MRC1: variants seen among roughly 807,000 people sequenced by gnomAD.
MRC1 encodes the protein macrophage mannose receptor 1.
In MRC1, 62 loss-of-function variants were observed where a neutral mutation model predicts 102.9. That is an observed-to-expected ratio of 0.60 (90% CI 0.49 to 0.74). The LOEUF is 0.74. MRC1 is among the 30% of genes least tolerant of loss of function. The pLI is 0.00. For missense variants in MRC1, 1,237 were observed against 862.8 expected (o/e 1.43, Z -5.43); for synonymous variants, 457 against 298.4 (o/e 1.53, Z -5.48).
chr10:17,875,064 A>G, intron 16 of MRC1, 26 bp from the exon 17 acceptor site: 1 of 780,756 alleles, frequency 1.3e-6, no homozygotes, highest in Non-Finnish European at 2.4e-6. Context: ...CATAAAACTC[A>G]TTGCCTTTTC....
At chr10:17,866,450 A>G in intron 11 of MRC1, 112 bp from the exon 12 acceptor site, 1 of 776,110 alleles carries the variant, frequency 1.3e-6, no homozygotes, top group Non-Finnish European at 2.4e-6. Context: ...TGCATCTGAG[A>G]TCATAATTGG....
At chr10:17,876,811 T>C (rs1833443641) in intron 17 of MRC1, among the ~76,000 whole-genome samples, 1 of 152,172 alleles carries the variant, frequency 6.6e-6, no homozygotes, top group African/African-American at 2.4e-5. Flanking sequence ...GTGATACCAT[T>C]GATATACCTA....
At chr10:17,849,859 T>C in intron 7 of MRC1, 95 bp downstream of exon 7, 1 of 648,468 alleles carries the variant, frequency 1.5e-6, no homozygotes, top group Non-Finnish European at 2.8e-6. Flanking sequence ...ACATCAAATT[T>C]AATCAATGTA....
At chr10:17,840,865 A>T (rs1186820130) in intron 5 of MRC1, 59 bp downstream of exon 5, 1 of 780,152 alleles carries the variant, frequency 1.3e-6, no homozygotes, top group African/African-American at 1.7e-5. Flanking sequence ...AGACGCCCCG[A>T]AGACGTTTAT....
Position 17,809,428 on chromosome 10 carries a change from C to T in MRC1, c.-38C>T, listed in dbSNP as rs924219593. On this transcript the variant is annotated 5_prime_UTR_variant, in exon 1 of 30. Transcript: ENST00000569591. ...TTGTTTTGCGTCTTAGTTCCGCCCT[C>T]CTGTCCATCAGGAGAAGGAAAGGAT... The T allele has an allele frequency of 8.1e-5, 71 of 872,446 alleles. No homozygotes were observed. The highest frequency in any genetic ancestry group is 1.5e-4 in the Admixed American group (9 of 59,134). The allele number at this position is 872,446 out of a possible 1,614,324, so 54.0% of individuals were successfully genotyped here. A position where few individuals can be genotyped will look rare whatever the true frequency, so the allele number is the denominator to read the frequency against.
intron 11 of MRC1, among the ~76,000 whole-genome samples, chr10:17,865,162 T>C (rs1833246647): frequency 6.6e-6 from 1 of 152,192 alleles, no homozygotes; most frequent in Non-Finnish European, 1.5e-5. Flanking sequence ...AGCTAAAAAA[T>C]AATAGCTCGA....
intron 6 of MRC1, among the ~76,000 whole-genome samples, chr10:17,848,038 A>G (rs1443504726): frequency 6.6e-6 from 1 of 151,712 alleles, no homozygotes; most frequent in Non-Finnish European, 1.5e-5. Flanking sequence ...GAGCCTCATG[A>G]CTGAGTAGTT....
At chr10:17,885,921 A>G (rs1421300891) in intron 22 of MRC1, among the ~76,000 whole-genome samples, 1 of 152,038 alleles carries the variant, frequency 6.6e-6, no homozygotes, top group African/African-American at 2.4e-5. Context: ...CCTGGAAGAC[A>G]GATTGCTACT....
intron 9 of MRC1, among the ~76,000 whole-genome samples, chr10:17,858,420 C>G (rs1007780809): frequency 5.3e-5 from 8 of 152,116 alleles, no homozygotes; most frequent in African/African-American, 1.7e-4. Context: ...TAGTGGAATG[C>G]TGCAGTGTAG....
At chr10:17,894,060 A>C in intron 22 of MRC1, 150 bp from the exon 23 acceptor site, 1 of 670,824 alleles carries the variant, frequency 1.5e-6, no homozygotes, top group Non-Finnish European at 2.7e-6. Flanking sequence ...TTGGGTAGAA[A>C]GTAATGATGG....
At chr10:17,880,799 C>A (rs1162606793) in intron 20 of MRC1, 129 bp downstream of exon 20, 2 of 755,550 alleles carry the variant, frequency 2.6e-6, no homozygotes, top group South Asian at 1.4e-5. Context: ...GGTGAAAATT[C>A]GCGTGACAAA....
intron 9 of MRC1, 125 bp downstream of exon 9, chr10:17,856,477 C>T: frequency 1.5e-6 from 1 of 686,392 alleles, no homozygotes; most frequent in South Asian, 1.7e-5. Flanking sequence ...TCTCAGTCTT[C>T]AATAGTTTAT....
intron 16 of MRC1, among the ~76,000 whole-genome samples, chr10:17,874,581 T>C (rs1833401225): frequency 6.6e-6 from 1 of 152,220 alleles, no homozygotes; most frequent in Non-Finnish European, 1.5e-5. Flanking sequence ...TTCAGCCTAC[T>C]GTAGCACGGA....
intron 9 of MRC1, among the ~76,000 whole-genome samples, chr10:17,858,807 C>T (rs1460520491): frequency 2.0e-5 from 3 of 152,216 alleles, no homozygotes; most frequent in African/African-American, 7.2e-5. Context: ...AGGCATGAGC[C>T]ATCGTGCCAG....
At chr10:17,893,476 C>G (rs1015676792) in intron 22 of MRC1, among the ~76,000 whole-genome samples, 2,075 of 152,168 alleles carry the variant, frequency 0.014, 19 homozygotes, top group Non-Finnish European at 0.021. Flanking sequence ...TTTAAATGAG[C>G]AAAATGCCAT....
chr10:17,851,565 A>G (rs1225610556), intron 7 of MRC1, among the ~76,000 whole-genome samples: 1 of 152,198 alleles, frequency 6.6e-6, no homozygotes, highest in African/African-American at 2.4e-5. Flanking sequence ...TAGGATCAAG[A>G]TTGTGCTTAG....
intron 11 of MRC1, among the ~76,000 whole-genome samples, chr10:17,863,944 A>C (rs1263384280): frequency 3.3e-5 from 5 of 151,820 alleles, no homozygotes; most frequent in African/African-American, 9.7e-5. Context: ...GTCCTGGTCT[A>C]CTTAAAACCT....
intron 7 of MRC1, among the ~76,000 whole-genome samples, chr10:17,850,161 A>T (rs1838892011): frequency 6.6e-6 from 1 of 151,766 alleles, no homozygotes; most frequent in African/African-American, 2.4e-5. Context: ...CTCCTAAAAA[A>T]GATTTCTAAA....
chr10:17,822,750 A>G (rs1838415101), intron 1 of MRC1, among the ~76,000 whole-genome samples: 2 of 152,126 alleles, frequency 1.3e-5, no homozygotes, highest in South Asian at 2.1e-4. Context: ...TCTGCCTTGT[A>G]TGTTCCACTC....
Sources: gnomAD v4.1 joint callset for allele counts (sites outside exome capture counted in the v4.1 genomes callset) on GRCh38, gnomAD v4.1.1 for gene constraint, MANE v1.5 for transcripts, NCBI Gene and HGNC (gene_info 2026-07-23, HGNC 2026-07-21) for gene names.